IQGAP2: variants seen among roughly 807,000 people sequenced by gnomAD.
IQGAP2 encodes the protein IQ motif containing GTPase activating protein 2, also known as ras GTPase-activating-like protein IQGAP2.
IQGAP2 carries 173 observed loss-of-function variants against 201.3 expected under a neutral mutation model. That is an observed-to-expected ratio of 0.86 (90% CI 0.76 to 0.98). IQGAP2 has a LOEUF of 0.98. Ranked by LOEUF, IQGAP2 falls within the 50% of genes least tolerant of loss-of-function variation. The pLI is 0.00. For synonymous variants in IQGAP2, 675 were observed against 673.9 expected, an observed-to-expected ratio of 1.00 and a Z score of -0.03; for missense variants, 1,687 against 1,864.8, an observed-to-expected ratio of 0.90 and a Z score of 1.76.
chr5:76,693,279 A>C (rs1325532462), intron 30 of IQGAP2, 76 bp from the exon 31 acceptor site: 1 of 880,246 alleles, frequency 1.1e-6, no homozygotes, highest in African/African-American at 1.7e-5. Context: ...GTGTTTGTGC[A>C]CTCTCTTAGG....
rs889268851 is a variant in IQGAP2 at position 76,403,333 on chromosome 5, G to C, written c.-213G>C. 1 of 388,204 alleles carries C rather than the reference G, an allele frequency of 2.6e-6. No homozygotes were observed. The highest frequency in any genetic ancestry group is 2.1e-5 in the African/African-American group (1 of 47,434). 24.0% of individuals were successfully genotyped at this position (388,204 alleles called of 1,614,324 possible). A position where few individuals can be genotyped will look rare whatever the true frequency, so the allele number is the denominator to read the frequency against. On this transcript the variant is annotated 5_prime_UTR_variant, in exon 1 of 36. Transcript: ENST00000274364. The surrounding 1 kb of genome is among the most constrained non-coding windows in gnomAD (Gnocchi z 4.8). The stretch of plus-strand genomic sequence containing the variant: ...CGACCGGCCAGGGAGCGAGGGAGGA[G>C]AGTTCACTTTTACTTCAGTGTCAGC...
At chr5:76,650,300 C>T (rs914309825) in intron 17 of IQGAP2, among the ~76,000 whole-genome samples, 5 of 152,054 alleles carry the variant, frequency 3.3e-5, no homozygotes, top group South Asian at 2.1e-4. Context: ...TACACATGTG[C>T]GTATTTCAGA....
intron 1 of IQGAP2, among the ~76,000 whole-genome samples, chr5:76,457,878 G>C (rs904187889): frequency 6.6e-6 from 1 of 152,218 alleles, no homozygotes; most frequent in African/African-American, 2.4e-5. Context: ...GATGCTGCAA[G>C]TGGTATTTTG....
At chr5:76,659,700 C>G (rs530329680) in intron 21 of IQGAP2, among the ~76,000 whole-genome samples, 30 of 152,140 alleles carry the variant, frequency 2.0e-4, no homozygotes, top group Non-Finnish European at 3.7e-4. Context: ...ATTATTTACA[C>G]AAGACCATCC....
chr5:76,613,015 T>C (rs775152433), intron 13 of IQGAP2, among the ~76,000 whole-genome samples: 40 of 152,360 alleles, frequency 2.6e-4, no homozygotes, highest in Non-Finnish European at 5.0e-4. Context: ...GGTGGCGCCC[T>C]CTGCACTGCC....
chr5:76,654,030 A>G (rs1176965141), intron 18 of IQGAP2, among the ~76,000 whole-genome samples, 170 bp from the exon 19 acceptor site: 1 of 152,258 alleles, frequency 6.6e-6, no homozygotes, highest in Non-Finnish European at 1.5e-5. Context: ...TCAGTGAAAG[A>G]TGAAGAGTAG....
At chr5:76,427,008 TGA>T (rs1340376269) in intron 1 of IQGAP2, among the ~76,000 whole-genome samples, 5 of 140,670 alleles carry the variant, frequency 3.6e-5, no homozygotes, top group Admixed American at 7.4e-5. Context: ...TGGTGGGCAC[TGA>T]GAGAGAAGAG....
chr5:76,618,449 C>T (rs764914705), intron 13 of IQGAP2: 3 of 1,614,116 alleles, frequency 1.9e-6, no homozygotes, highest in Non-Finnish European at 2.5e-6. Context: ...TGGTCAGGTA[C>T]CCCATGGTAG....
At chr5:76,547,648 A>C (rs1743177847) in intron 2 of IQGAP2, among the ~76,000 whole-genome samples, 1 of 152,250 alleles carries the variant, frequency 6.6e-6, no homozygotes, top group Admixed American at 6.5e-5. Flanking sequence ...CGTAAGCCTC[A>C]GATGACTGTT....
At chr5:76,667,690 C>T (rs1043283686) in intron 22 of IQGAP2, among the ~76,000 whole-genome samples, 1 of 152,142 alleles carries the variant, frequency 6.6e-6, no homozygotes, top group Non-Finnish European at 1.5e-5. Flanking sequence ...ACCTTCACCC[C>T]TCTCTTCAGC....
At chr5:76,551,303 C>G (rs1264972847) in intron 2 of IQGAP2, among the ~76,000 whole-genome samples, 3 of 151,298 alleles carry the variant, frequency 2.0e-5, no homozygotes, top group Non-Finnish European at 4.4e-5. Context: ...GATGGGCGGC[C>G]GGGCAGAGAT....
chr5:76,550,681 G>A (rs147338972), intron 2 of IQGAP2, among the ~76,000 whole-genome samples: 2,483 of 152,266 alleles, frequency 0.016, 59 homozygotes, highest in African/African-American at 0.055. Flanking sequence ...TAGGGTCACC[G>A]ATCAACAGGA....
At chr5:76,697,141 A>C (rs1746822892) in intron 32 of IQGAP2, among the ~76,000 whole-genome samples, 2 of 152,350 alleles carry the variant, frequency 1.3e-5, no homozygotes, top group East Asian at 3.8e-4. Context: ...TATGCAACTT[A>C]ATGTTCTAGG....
At chr5:76,510,823 C>T in intron 2 of IQGAP2, 3 of 431,094 alleles carry the variant, frequency 7.0e-6, no homozygotes, top group Admixed American at 2.7e-5. Flanking sequence ...CACACCTGGC[C>T]TCCAGCAGGC....
At chr5:76,410,563 G>A (rs1482515672) in intron 1 of IQGAP2, among the ~76,000 whole-genome samples, 1 of 152,170 alleles carries the variant, frequency 6.6e-6, no homozygotes, top group Admixed American at 6.5e-5. Flanking sequence ...TCTGGGTTTG[G>A]CTGTCTTTTG....
intron 2 of IQGAP2, among the ~76,000 whole-genome samples, chr5:76,532,962 C>T (rs374492703): frequency 5.9e-5 from 9 of 152,302 alleles, no homozygotes; most frequent in African/African-American, 2.2e-4. Context: ...CAAATCAAGC[C>T]CCCAACTGGC....
rs1286594449 is a variant in IQGAP2 at position 76,698,020 on chromosome 5, C to T, written c.4240C>T (p.Arg1414Ter). 2 of 1,612,766 alleles carry T rather than the reference C, an allele frequency of 1.2e-6. No homozygotes were observed. Among genetic ancestry groups the T allele is most frequent in the Non-Finnish European group, 1.7e-6 (2 of 1,179,352 alleles). ...AAATCAAAGAATCTATCGTAAGCTT[C>T]GAAAAGCTGAATTGGCAAAACTTCA... Reference protein sequence around the residue: ...IRNQRIYRKLRKAELAKLQQT... With the variant: ...IRNQRIYRKL Residue 1414 changes from arginine to a stop codon, truncating the protein, a stop_gained, in exon 33 of 36, where the codon CGA becomes TGA. Transcript: ENST00000274364. LOFTEE classifies it high-confidence loss of function.
chr5:76,665,893 A>G (rs1229032322), intron 22 of IQGAP2, among the ~76,000 whole-genome samples: 1 of 152,204 alleles, frequency 6.6e-6, no homozygotes, highest in African/African-American at 2.4e-5. Context: ...GAAATTAACA[A>G]GCATCCTCTT....
chr5:76,495,479 A>G (rs974793041), intron 2 of IQGAP2, among the ~76,000 whole-genome samples: 1 of 152,208 alleles, frequency 6.6e-6, no homozygotes, highest in African/African-American at 2.4e-5. Context: ...AGCTGGCAGG[A>G]GTAGAGTCTG....
Sources: gnomAD v4.1 joint callset for allele counts (sites outside exome capture counted in the v4.1 genomes callset) on GRCh38, gnomAD v4.1.1 for gene constraint, Gnocchi (gnomAD v3.1) non-coding constraint, MANE v1.5 for transcripts, NCBI Gene and HGNC (gene_info 2026-07-23, HGNC 2026-07-21) for gene names.